DOT1L: variants seen among roughly 807,000 people sequenced by gnomAD.
The protein encoded by DOT1L is DOT1 like histone lysine methyltransferase.
DOT1L carries 33 observed loss-of-function variants against 153.3 expected under a neutral mutation model. The ratio of observed to expected loss-of-function variants is 0.22; its 90% confidence interval spans 0.16 to 0.29. The LOEUF (loss-of-function observed/expected upper bound fraction) is 0.29. Ranked by LOEUF, DOT1L falls within the 10% of genes least tolerant of loss-of-function variation. DOT1L has a pLI of 1.00. For synonymous variants in DOT1L, 1,135 were observed against 965.1 expected (o/e 1.18, Z -3.26); for missense variants, 1,847 against 2,119.9 (o/e 0.87, Z 2.53).
In DOT1L at chr19:2,190,075, G is replaced by A. The variant is rs534414260; in HGVS notation, c.264+280G>A. The stretch of plus-strand genomic sequence containing the variant: ...TGTCTGCACACGCCTCTGCAGCCCT[G>A]GGTTGGTGTCCGCAGGTCCCAGCAG... On this transcript the variant is annotated intron_variant, in intron 4 of 27. Transcript: ENST00000398665. The surrounding 1 kb of genome is among the most constrained non-coding windows in gnomAD (Gnocchi z 4.8). Among the ~76,000 whole-genome samples the A allele has an allele frequency of 6.6e-6, 1 of 152,166 alleles. No homozygotes were observed. Among genetic ancestry groups the A allele is most frequent in the Non-Finnish European group, 1.5e-5 (1 of 68,012 alleles).
chr19:2,188,107 G>A (rs1168432677), intron 3 of DOT1L: 1 of 152,334 alleles, frequency 6.6e-6, no homozygotes, highest in Non-Finnish European at 1.5e-5. Flanking sequence ...GGAGGATCCA[G>A]GTCCTGTGTG....
At chr19:2,195,799 C>T (rs1026915052) in intron 7 of DOT1L, among the ~76,000 whole-genome samples, 2 of 152,332 alleles carry the variant, frequency 1.3e-5, no homozygotes, top group Middle Eastern at 3.4e-3. Flanking sequence ...TGCGACGACC[C>T]AGTTCCTGGG....
chr19:2,211,983 C>T (rs1453695759), intron 16 of DOT1L, 141 bp downstream of exon 16: 5 of 717,734 alleles, frequency 7.0e-6, no homozygotes, highest in Non-Finnish European at 2.2e-6. Context: ...CTGCGAGAAA[C>T]AAACCTACCC....
intron 2 of DOT1L, among the ~76,000 whole-genome samples, chr19:2,182,962 C>T (rs538610580): frequency 3.9e-5 from 6 of 152,248 alleles, no homozygotes; most frequent in East Asian, 1.9e-4. Context: ...CCTGGGCATC[C>T]GCGACGTAGG....
In DOT1L at chr19:2,180,736, T is replaced by C. The variant is rs745459925; in HGVS notation, c.105T>C (p.His35=). Residue 35 remains histidine, a synonymous_variant, in exon 2 of 28, where the codon CAT becomes CAC. Coordinates refer to ENST00000398665, the MANE Select transcript of DOT1L (RefSeq NM_032482.3). ...AGGATAAACATCACGATGCTGCTCA[T>C]GAAATCATCGAGACCATCCGGTGAG... ...PVYDKHHDAA[H]EIIETIRWVC... The C allele has an allele frequency of 3.4e-5, 55 of 1,613,924 alleles. No homozygotes were observed. The highest frequency in any genetic ancestry group is 4.6e-5 in the Non-Finnish European group (54 of 1,180,008).
In DOT1L at chr19:2,217,097, G is replaced by A. The variant is rs1278100168; in HGVS notation, c.2544+7G>A. The A allele has an allele frequency of 1.3e-6, 2 of 1,586,564 alleles. No homozygotes were observed. Among genetic ancestry groups the A allele is most frequent in the Non-Finnish European group, 1.7e-6 (2 of 1,163,518 alleles). The stretch of plus-strand genomic sequence containing the variant: ...AGAGAAGAGCAGTGAGAAGGTGCGG[G>A]CCGCGACCCCTGCCCCGGGCTCAGG... On this transcript the variant is annotated splice_region_variant and intron_variant, in intron 21 of 27. Coordinates refer to ENST00000398665, the MANE Select transcript of DOT1L (RefSeq NM_032482.3). The surrounding 1 kb of genome is among the most constrained non-coding windows in gnomAD (Gnocchi z 7.3).
At chr19:2,203,247 A>C (rs930301643) in intron 9 of DOT1L, among the ~76,000 whole-genome samples, 3 of 152,170 alleles carry the variant, frequency 2.0e-5, no homozygotes, top group Non-Finnish European at 4.4e-5. Context: ...TTACAGGCAC[A>C]TGCCACCATG....
Position 2,207,698 on chromosome 19 carries a change from C to T in DOT1L, c.963+18C>T. On this transcript the variant is annotated intron_variant, in intron 11 of 27. Transcript: ENST00000398665. This position sits in a 1 kb window ranked among gnomAD's most constrained non-coding sequence, Gnocchi z 4.5. ...GCACCATAGTGAGTATCTCGCTGCG[C>T]CTCAGCCGCAGGGCCGTCCTGGTCT... is the stretch of plus-strand genomic sequence containing the variant. The T allele has an allele frequency of 6.3e-7, 1 of 1,599,340 alleles. No individual in the cohort carries two copies. Among genetic ancestry groups the T allele is most frequent in the Non-Finnish European group, 8.5e-7 (1 of 1,172,474 alleles).
At chr19:2,178,395 A>G (rs1276162550) in intron 1 of DOT1L, among the ~76,000 whole-genome samples, 4 of 149,180 alleles carry the variant, frequency 2.7e-5, no homozygotes, top group Non-Finnish European at 5.9e-5. Context: ...AAAAATCTCC[A>G]AAACACACTT....
intron 3 of DOT1L, among the ~76,000 whole-genome samples, chr19:2,187,710 CAGG>C (rs1225038766): frequency 2.0e-5 from 3 of 152,124 alleles, no homozygotes; most frequent in Admixed American, 1.3e-4. Context: ...ATCACGAGGT[CAGG>C]AGATCGAGAC....
At chr19:2,209,816 C>T (rs1241939446) in intron 12 of DOT1L, among the ~76,000 whole-genome samples, 1 of 152,122 alleles carries the variant, frequency 6.6e-6, no homozygotes, top group Non-Finnish European at 1.5e-5. Context: ...TGGGCTCCAA[C>T]CCGGCCTCAG....
intron 13 of DOT1L, 34 bp downstream of exon 13, chr19:2,210,544 G>T: frequency 1.3e-6 from 2 of 1,587,872 alleles, no homozygotes; most frequent in Non-Finnish European, 1.7e-6. Flanking sequence ...CTGCTGGAGG[G>T]CACCCGCCCC....
chr19:2,229,393 G>C lies in DOT1L; in HGVS notation c.4607-392G>C, dbSNP rs943581989. ...CAAAGCCCACCGGGCAAGGAGAGGA[G>C]GACTGGGAGCCAGGAGCCAAGGCGG... is the stretch of plus-strand genomic sequence containing the variant. On this transcript the variant is annotated intron_variant, in intron 27 of 27. Coordinates refer to ENST00000398665, the MANE Select transcript of DOT1L (RefSeq NM_032482.3). 1.1e-4 allele frequency: 113 copies of C among 985,378 alleles called. No individual in the cohort carries two copies. The Middle Eastern group carries it at 2.6e-3, about 23-fold the overall frequency. 61.0% of individuals were successfully genotyped at this position (985,378 alleles called of 1,614,324 possible). A position where few individuals can be genotyped will look rare whatever the true frequency, so the allele number is the denominator to read the frequency against.
chr19:2,175,845 G>A lies in DOT1L; in HGVS notation c.82-4868G>A, dbSNP rs111487008. On this transcript the variant is annotated intron_variant, in intron 1 of 27. Transcript: ENST00000398665. ...GCCGAGACCACACCACTGCACTCCA[G>A]CCTCGGCAACGAGCAAAACTCCGTC... 9.8e-3 allele frequency among the ~76,000 whole-genome samples: 1,492 copies of A among 152,296 alleles called. 24 individuals are homozygous for A. The highest frequency in any genetic ancestry group is 0.034 in the African/African-American group (1,398 of 41,550).
chr19:2,214,003 A>G lies in DOT1L; in HGVS notation c.1797+17A>G, dbSNP rs894210770. 4 of 1,609,910 alleles carry G rather than the reference A, an allele frequency of 2.5e-6. No individual in the cohort carries two copies. The highest frequency in any genetic ancestry group is 3.3e-5 in the Admixed American group (2 of 59,720). On this transcript the variant is annotated intron_variant, in intron 18 of 27. Transcript: ENST00000398665. The stretch of plus-strand genomic sequence containing the variant: ...TTGCAGCTGGTGGGTGCCGCGGCGC[A>G]AGGACAGGGACGTGGAACCAGAGGG...
chr19:2,180,439 G>C (rs974234841), intron 1 of DOT1L, among the ~76,000 whole-genome samples: 1 of 152,162 alleles, frequency 6.6e-6, no homozygotes, highest in Non-Finnish European at 1.5e-5. Context: ...GAGCAGGACC[G>C]GGGGCCATAG....
intron 9 of DOT1L, among the ~76,000 whole-genome samples, chr19:2,203,902 C>T (rs995621965): frequency 4.6e-5 from 7 of 152,234 alleles, no homozygotes; most frequent in Non-Finnish European, 8.8e-5. Flanking sequence ...CTGCTGGGCT[C>T]GAAGACAGGC....
Position 2,164,258 on chromosome 19 carries a change from C to A in DOT1L, c.74C>A (p.Pro25Gln). 7.8e-7 allele frequency: 1 copy of A among 1,279,128 alleles called. No homozygotes were observed. The highest frequency in any genetic ancestry group is 9.9e-7 in the Non-Finnish European group (1 of 1,009,986). 79.2% of individuals were successfully genotyped at this position (1,279,128 alleles called of 1,614,324 possible). ...AEPAVYPWPL[P>Q]VYDKHHDAAH... Reference sequence around the variant, plus strand: ...CCCGCCGTCTACCCGTGGCCGCTGCCGGTCTACGTGAGTGCCGCCCTCCAC... The same window carrying A: ...CCCGCCGTCTACCCGTGGCCGCTGCAGGTCTACGTGAGTGCCGCCCTCCAC... The change falls in exon 1 of 28, where the codon CCG becomes CAG. Residue 25 changes from proline to glutamine, a missense_variant. Pro to Gln is a moderately conservative substitution (Grantham distance 76, BLOSUM62 -1). This residue lies in a region of DOT1L where 37 missense variants were observed against 31.0 expected (regional missense o/e 1.19). Transcript: ENST00000398665.
rs1243763226 is a variant in DOT1L at position 2,208,951 on chromosome 19, C to G, written c.980C>G (p.Ser327Cys). 6.2e-7 allele frequency: 1 copy of G among 1,613,234 alleles called. No individual in the cohort carries two copies. The highest frequency in any genetic ancestry group is 8.5e-7 in the Non-Finnish European group (1 of 1,179,708). ...IDRTILENYF[S>C]SLKNPKLREE... ...TCTTTTTAGCTTGAAAACTATTTTT[C>G]TAGTCTGAAAAACCCAAAACTCAGG... is the stretch of plus-strand genomic sequence containing the variant. Residue 327 changes from serine (S) to cysteine (C), a missense_variant, in exon 12 of 28, where the codon TCT becomes TGT. This residue lies in a region of DOT1L where 148 missense variants were observed against 422.3 expected (regional missense o/e 0.35). Transcript: ENST00000398665. The surrounding 1 kb of genome is among the most constrained non-coding windows in gnomAD (Gnocchi z 4.4).
Sources: allele counts gnomAD v4.1 joint callset (sites outside exome capture counted in the v4.1 genomes callset), GRCh38; gene constraint gnomAD v4.1.1; regional missense constraint gnomAD v4.1.1; non-coding constraint Gnocchi (gnomAD v3.1); transcripts MANE v1.5; gene names NCBI Gene and HGNC (gene_info 2026-07-23, HGNC 2026-07-21).